The following ROR2 variants were observed in gnomAD, a reference collection of about 807,000 sequenced individuals.
ROR2 encodes tyrosine-protein kinase transmembrane receptor ROR2.
ROR2 carries 33 observed loss-of-function variants against 74.9 expected under a neutral mutation model. The observed-to-expected ratio is 0.44, with a 90% CI of 0.33 to 0.59. The LOEUF (loss-of-function observed/expected upper bound fraction) is 0.59, where lower values mean the gene tolerates loss of function less well. Ranked by LOEUF, ROR2 falls within the 20% of genes least tolerant of loss-of-function variation. The pLI, the probability that ROR2 is intolerant of heterozygous loss-of-function variation, is 0.02. For synonymous variants in ROR2, 586 were observed against 558.7 expected (o/e 1.05, Z -0.69); for missense variants, 1,216 against 1,313.8 (o/e 0.93, Z 1.15).
At chr9:91,767,973 T>G (rs1235896718) in intron 2 of ROR2, among the ~76,000 whole-genome samples, 1 of 152,178 alleles carries the variant, frequency 6.6e-6, no homozygotes, top group Non-Finnish European at 1.5e-5. Flanking sequence ...GAGTCCTACT[T>G]GATTAGAGAG....
At chr9:91,730,388 T>C (rs1292230264) in intron 7 of ROR2, among the ~76,000 whole-genome samples, 1 of 152,232 alleles carries the variant, frequency 6.6e-6, no homozygotes, top group Non-Finnish European at 1.5e-5. Context: ...ACATTACTCT[T>C]CAGACTTTTC....
chr9:91,733,086 G>GC lies in ROR2; in HGVS notation c.937+35dup, dbSNP rs749458306. 9 of 1,544,798 alleles carry GC rather than the reference G, an allele frequency of 5.8e-6. No homozygotes were observed. Among genetic ancestry groups the GC allele is most frequent in the South Asian group, 1.2e-5 (1 of 84,868 alleles). On this transcript the variant is annotated intron_variant, in intron 6 of 8. Coordinates refer to ENST00000375708, the MANE Select transcript of ROR2 (RefSeq NM_004560.4). This position sits in a 1 kb window ranked among gnomAD's most constrained non-coding sequence, Gnocchi z 5.7. ...ATTTCAAGGGCCCTACACTCCCTGCGCCCCCCGGTCCCGCCCCGGGCCCTC... is the reference window on the plus strand; with the variant it reads ...ATTTCAAGGGCCCTACACTCCCTGCGCCCCCCCGGTCCCGCCCCGGGCCCTC...
intron 1 of ROR2, among the ~76,000 whole-genome samples, chr9:91,851,365 A>G (rs1018995075): frequency 1.6e-4 from 25 of 151,752 alleles, no homozygotes; most frequent in Non-Finnish European, 3.4e-4. Context: ...AAAAAAAAAA[A>G]AAGAAAAGAA....
chr9:91,874,933 CAAA>C (rs748961994), intron 1 of ROR2, among the ~76,000 whole-genome samples: 1 of 115,646 alleles, frequency 8.6e-6, no homozygotes, highest in Non-Finnish European at 1.8e-5. Context: ...AACTCCGTCT[CAAA>C]AAAAAAAAAA....
chr9:91,794,607 CAG>C (rs938788224), intron 1 of ROR2, among the ~76,000 whole-genome samples: 2 of 152,002 alleles, frequency 1.3e-5, no homozygotes, highest in African/African-American at 4.8e-5. Context: ...TTTCTTGAGG[CAG>C]AGTCTCTGTC....
intron 1 of ROR2, among the ~76,000 whole-genome samples, chr9:91,894,318 A>T (rs1182705188): frequency 6.6e-6 from 1 of 152,106 alleles, no homozygotes; most frequent in Non-Finnish European, 1.5e-5. Context: ...GCCTCATCTG[A>T]TCTCCCCTGG....
intron 5 of ROR2, among the ~76,000 whole-genome samples, chr9:91,735,606 CTTTTTTTTTTTTTTTTTTTTTTTT>C (rs35146225): frequency 4.9e-4 from 39 of 79,010 alleles, no homozygotes; most frequent in Non-Finnish European, 8.1e-4. Flanking sequence ...AGGGCTCTAA[CTTTTTTTTTTTTTTTTTTTTTTTT>C]TTTTTTTTTT....
At chr9:91,890,531 T>G (rs1348016762) in intron 1 of ROR2, among the ~76,000 whole-genome samples, 1 of 152,230 alleles carries the variant, frequency 6.6e-6, no homozygotes, top group African/African-American at 2.4e-5. Flanking sequence ...AAGTGTTTTA[T>G]AGTTTTTGGT....
intron 1 of ROR2, among the ~76,000 whole-genome samples, chr9:91,913,786 GAGGGGTGGTTTCC>G (rs1476722054): frequency 6.6e-6 from 1 of 152,204 alleles, no homozygotes; most frequent in Non-Finnish European, 1.5e-5. Context: ...ACAGAAAGTA[GAGGGGTGGTTTCC>G]AGGGCCTGGG....
rs747087662 is a variant in ROR2, at chr9:91,911,933, C to CAAAAAAA, written c.97+37927_97+37933dup. On this transcript the variant is annotated intron_variant, in intron 1 of 8. Coordinates refer to ENST00000375708, the MANE Select transcript of ROR2 (RefSeq NM_004560.4). ...CCAGTGTCCATTACCTGAGTCTAAG[C>CAAAAAAA]AAAAAAAAAAAAAAAAAAAAACCAC... 9.2e-3 allele frequency among the ~76,000 whole-genome samples: 703 copies of CAAAAAAA among 76,252 alleles called. 7 individuals carry two copies. Among genetic ancestry groups the CAAAAAAA allele is most frequent in the East Asian group, 0.024 (59 of 2,426 alleles). 50.0% of individuals were successfully genotyped at this position (76,252 alleles called of 152,430 possible).
At position 91,723,768 on chromosome 9, in the gene ROR2, A is replaced by T. The variant is rs1413303019; in HGVS notation, c.2726T>A (p.Val909Glu). 1 of 1,613,728 alleles carries T rather than the reference A, an allele frequency of 6.2e-7. No homozygotes were observed. Residue 909 changes from valine to glutamate, a missense_variant, in exon 9 of 9, where the codon GTG becomes GAG. Physicochemically the swap from Val to Glu is moderately radical, Grantham distance 121. Coordinates refer to ENST00000375708, the MANE Select transcript of ROR2 (RefSeq NM_004560.4). ...NAPEDGAQSTVQEAEEEEEGS... is the reference protein window; with the variant it reads ...NAPEDGAQSTEQEAEEEEEGS... ...TTCCTCCTCCTCCTCTGCTTCCTGCACGGTGCTCTGGGCCCCATCTTCTGG... is the reference window on the plus strand; with the variant it reads ...TTCCTCCTCCTCCTCTGCTTCCTGCTCGGTGCTCTGGGCCCCATCTTCTGG...
chr9:91,781,932 T>C (rs1826632695), intron 1 of ROR2, among the ~76,000 whole-genome samples: 1 of 152,240 alleles, frequency 6.6e-6, no homozygotes, highest in African/African-American at 2.4e-5. Context: ...CTCTTTCTAC[T>C]TTCTGTCTCT....
At position 91,739,510 on chromosome 9, in the gene ROR2, AT is replaced by A. The variant is rs1367906115; in HGVS notation, c.495-1993del. On this transcript the variant is annotated intron_variant, in intron 4 of 8. Transcript: ENST00000375708. ...GACAAGAGCAAGACCCTGTCTTTAA[AT>A]TTAAAAAAAAAAAAAAAAAAAAAAA... is the stretch of plus-strand genomic sequence containing the variant. Among the ~76,000 whole-genome samples the A allele has an allele frequency of 2.4e-3, 190 of 79,472 alleles. 7 individuals are homozygous for A. The highest frequency in any genetic ancestry group is 5.1e-3 in the Middle Eastern group (1 of 196). The allele number at this position is 79,472 out of a possible 152,430, so 52.1% of individuals were successfully genotyped here.
chr9:91,831,913 G>C (rs373194844), intron 1 of ROR2, among the ~76,000 whole-genome samples: 1 of 152,124 alleles, frequency 6.6e-6, no homozygotes, highest in Non-Finnish European at 1.5e-5. Context: ...CTGTGTGTGC[G>C]GTCAAATGCA....
At chr9:91,886,454 C>G (rs1021252616) in intron 1 of ROR2, among the ~76,000 whole-genome samples, 4 of 152,078 alleles carry the variant, frequency 2.6e-5, no homozygotes, top group African/African-American at 9.7e-5. Context: ...ACACCGCGAT[C>G]TGTCTACACC....
At chr9:91,730,267 T>C (rs1162606436) in intron 7 of ROR2, among the ~76,000 whole-genome samples, 1 of 151,878 alleles carries the variant, frequency 6.6e-6, no homozygotes, top group Non-Finnish European at 1.5e-5. Context: ...AGAAACAAAA[T>C]GTCAAAGTGA....
chr9:91,823,286 G>A (rs1828189403), intron 1 of ROR2, among the ~76,000 whole-genome samples: 1 of 152,026 alleles, frequency 6.6e-6, no homozygotes, highest in Admixed American at 6.6e-5. Flanking sequence ...ACATATTTGG[G>A]GCAGGGGCAT....
At chr9:91,863,465 T>C (rs545286591) in intron 1 of ROR2, among the ~76,000 whole-genome samples, 71 of 152,178 alleles carry the variant, frequency 4.7e-4, no homozygotes, top group African/African-American at 1.7e-3. Flanking sequence ...TATAGATAGA[T>C]AGATAGATAG....
At chr9:91,949,580 G>C (rs1703999359) in intron 1 of ROR2, among the ~76,000 whole-genome samples, 1 of 147,458 alleles carries the variant, frequency 6.8e-6, no homozygotes, top group South Asian at 2.2e-4. Flanking sequence ...ACTCCCACTC[G>C]CGACCCTCGG....
Sources: gnomAD v4.1 joint callset for allele counts (sites outside exome capture counted in the v4.1 genomes callset) on GRCh38, gnomAD v4.1.1 for gene constraint, Gnocchi (gnomAD v3.1) non-coding constraint, MANE v1.5 for transcripts, NCBI Gene and HGNC (gene_info 2026-07-23, HGNC 2026-07-21) for gene names.